Variants in CNOT6L observed in about 807,000 individuals in gnomAD.
CNOT6L encodes the protein CCR4-NOT transcription complex subunit 6-like.
Under a neutral mutation model 64.0 loss-of-function variants are expected in CNOT6L, and 7 were observed. That is an observed-to-expected ratio of 0.11 (90% CI 0.06 to 0.21). The LOEUF (loss-of-function observed/expected upper bound fraction) is 0.21. CNOT6L is among the 10% of genes least tolerant of loss of function. CNOT6L has a pLI of 1.00. For missense variants in CNOT6L, 245 were observed against 669.0 expected (o/e 0.37, Z 6.99); for synonymous variants, 193 against 243.4 (o/e 0.79, Z 1.93).
rs1243670491 is a variant in CNOT6L, at chr4:77,717,351, G to C, written c.*3080C>G. The stretch of plus-strand genomic sequence containing the variant: ...ATGCACTTGTATGACTGTAATAATG[G>C]CAAACAGTACAGTTTTCTCTTCCTC... On this transcript the variant is annotated 3_prime_UTR_variant, in exon 12 of 12. Coordinates refer to ENST00000504123, the MANE Select transcript of CNOT6L (RefSeq NM_144571.3). The C allele has an allele frequency of 6.6e-6, 1 of 152,368 alleles. No individual in the cohort carries two copies. The highest frequency in any genetic ancestry group is 1.9e-4 in the East Asian group (1 of 5,188). The allele number at this position is 152,368 out of a possible 1,614,324, so 9.4% of individuals were successfully genotyped here. A position where few individuals can be genotyped will look rare whatever the true frequency, so the allele number is the denominator to read the frequency against.
chr4:77,803,040 AC>A (rs1469483324), intron 1 of CNOT6L, among the ~76,000 whole-genome samples: 1 of 152,188 alleles, frequency 6.6e-6, no homozygotes, highest in African/African-American at 2.4e-5. Context: ...AAGTCAAAAA[AC>A]AAACAAGAAA....
At chr4:77,721,443 A>G (rs1419679741) in intron 11 of CNOT6L, among the ~76,000 whole-genome samples, 1 of 152,192 alleles carries the variant, frequency 6.6e-6, no homozygotes, top group Non-Finnish European at 1.5e-5. Context: ...ATTCATATCA[A>G]GATAGCCTGA....
At chr4:77,819,074 A>ACACACACACACACACACACACAC in intron 1 of CNOT6L, 1 of 720,280 alleles carries the variant, frequency 1.4e-6, no homozygotes, top group Admixed American at 2.1e-5. Flanking sequence ...ACACACACAC[A>ACACACACACACACACACACACAC]CCCCGGAACC....
At chr4:77,800,728 T>C (rs1731437553) in intron 1 of CNOT6L, among the ~76,000 whole-genome samples, 1 of 152,168 alleles carries the variant, frequency 6.6e-6, no homozygotes, top group Non-Finnish European at 1.5e-5. Context: ...ATATCTGAAA[T>C]CTACAAGTCT....
intron 1 of CNOT6L, among the ~76,000 whole-genome samples, chr4:77,777,433 C>T (rs1728275266): frequency 6.6e-6 from 1 of 152,172 alleles, no homozygotes; most frequent in Non-Finnish European, 1.5e-5. Context: ...CAATGATGAC[C>T]AGCTAGACAT....
chr4:77,782,934 T>C (rs895583283), intron 1 of CNOT6L, among the ~76,000 whole-genome samples: 1 of 152,062 alleles, frequency 6.6e-6, no homozygotes, highest in Admixed American at 6.6e-5. Context: ...AAATTAAAGA[T>C]TGATGGCAAT....
At chr4:77,748,486 G>A (rs1407793479) in intron 5 of CNOT6L, 102 bp from the exon 6 acceptor site, 39 of 779,642 alleles carry the variant, frequency 5.0e-5, no homozygotes, top group Non-Finnish European at 6.8e-5. Context: ...CTGCTGTAAC[G>A]GCCTGCAAAC....
At chr4:77,780,413 G>C (rs1355090195) in intron 1 of CNOT6L, among the ~76,000 whole-genome samples, 1 of 152,034 alleles carries the variant, frequency 6.6e-6, no homozygotes, top group Non-Finnish European at 1.5e-5. Context: ...ATTTATACTG[G>C]GAATCCTGAT....
chr4:77,750,279 G>T (rs1163452675), intron 5 of CNOT6L, among the ~76,000 whole-genome samples: 1 of 152,082 alleles, frequency 6.6e-6, no homozygotes, highest in African/African-American at 2.4e-5. Context: ...ATGATTAAAA[G>T]AAATTTTAAT....
chr4:77,735,169 A>G (rs1018170682), intron 8 of CNOT6L, among the ~76,000 whole-genome samples: 30 of 152,158 alleles, frequency 2.0e-4, no homozygotes, highest in Non-Finnish European at 3.4e-4. Context: ...CACAGGCCAT[A>G]TAAGCTCTAA....
At position 77,819,076 on chromosome 4, in the gene CNOT6L, C is replaced by CACACACACACA. The variant is rs1560445998; in HGVS notation, c.5+227_5+228insTGTGTGTGTGT. On this transcript the variant is annotated intron_variant, in intron 1 of 11. Coordinates refer to ENST00000504123, the MANE Select transcript of CNOT6L (RefSeq NM_144571.3). ...CACACACACACACACACACACACAC[C>CACACACACACA]CCGGAACCTTCGCCCGCCTCTGAAG... The CACACACACACA allele has an allele frequency of 2.5e-5, 7 of 282,488 alleles. No homozygotes were observed. In the East Asian group the frequency reaches 3.0e-4, roughly 12 times the overall value. 17.5% of individuals were successfully genotyped at this position (282,488 alleles called of 1,614,324 possible). A position where few individuals can be genotyped will look rare whatever the true frequency, so the allele number is the denominator to read the frequency against.
rs36183684 is a variant in CNOT6L at position 77,813,194 on chromosome 4, C to CAA, written c.5+6108_5+6109dup. Among the ~76,000 whole-genome samples, 826 of 152,106 alleles carry CAA rather than the reference C, an allele frequency of 5.4e-3. 18 individuals carry two copies. The highest frequency in any genetic ancestry group is 0.04 in the Admixed American group (617 of 15,272). On this transcript the variant is annotated intron_variant, in intron 1 of 11. Coordinates refer to ENST00000504123, the MANE Select transcript of CNOT6L (RefSeq NM_144571.3). Reference sequence around the variant, plus strand: ...AACAGACCATGTACAGAAATTAATTCAAAATGGATCAAAGATCTAAATGTA... The same window carrying CAA: ...AACAGACCATGTACAGAAATTAATTCAAAAAATGGATCAAAGATCTAAATGTA...
intron 9 of CNOT6L, among the ~76,000 whole-genome samples, chr4:77,729,640 C>G (rs974236431): frequency 6.6e-6 from 1 of 151,978 alleles, no homozygotes; most frequent in Non-Finnish European, 1.5e-5. Context: ...AGTCTGGACA[C>G]GTGGGTTTTA....
intron 4 of CNOT6L, among the ~76,000 whole-genome samples, chr4:77,770,676 A>G (rs2110049374): frequency 6.6e-6 from 1 of 152,380 alleles, no homozygotes; most frequent in East Asian, 1.9e-4. Flanking sequence ...GCTAAGTTAC[A>G]GTTCGTGAAG....
intron 6 of CNOT6L, among the ~76,000 whole-genome samples, chr4:77,745,130 A>C (rs1358547268): frequency 6.6e-6 from 1 of 152,234 alleles, no homozygotes; most frequent in Non-Finnish European, 1.5e-5. Context: ...ATTTTAATAA[A>C]AAATTTAAAT....
intron 6 of CNOT6L, among the ~76,000 whole-genome samples, chr4:77,746,171 G>A (rs951700552): frequency 2.6e-5 from 4 of 152,142 alleles, no homozygotes; most frequent in Non-Finnish European, 5.9e-5. Flanking sequence ...CTAAGACTTT[G>A]TAAACTGAGA....
chr4:77,758,420 T>C (rs192726687), intron 4 of CNOT6L, among the ~76,000 whole-genome samples: 1 of 152,192 alleles, frequency 6.6e-6, no homozygotes, highest in African/African-American at 2.4e-5. Context: ...ATGGAAAACA[T>C]AAGACAGTAA....
chr4:77,776,657 T>TTTGCAATG (rs1353500469), intron 1 of CNOT6L, among the ~76,000 whole-genome samples: 1 of 152,240 alleles, frequency 6.6e-6, no homozygotes, highest in Non-Finnish European at 1.5e-5. Flanking sequence ...GGTTGCTTCC[T>TTTGCAATG]AACTCCTTCC....
In CNOT6L at chr4:77,755,310, G is replaced by A. The variant is rs189246885; in HGVS notation, c.490+1552C>T. ...GGCTGGAGTGCAGTGGCGCAATCTC[G>A]GGTTCAAGCGATTCTCCTGCCTCAA... On this transcript the variant is annotated intron_variant, in intron 5 of 11. Transcript: ENST00000504123. Among the ~76,000 whole-genome samples, 543 of 138,106 alleles carry A rather than the reference G, an allele frequency of 3.9e-3. 4 individuals carry two copies. Among genetic ancestry groups the A allele is most frequent in the African/African-American group, 0.014 (516 of 37,080 alleles). The allele number at this position is 138,106 out of a possible 152,430, so 90.6% of individuals were successfully genotyped here. A position where few individuals can be genotyped will look rare whatever the true frequency, so the allele number is the denominator to read the frequency against.
Sources: gnomAD v4.1 joint callset for allele counts (sites outside exome capture counted in the v4.1 genomes callset) on GRCh38, gnomAD v4.1.1 for gene constraint, MANE v1.5 for transcripts, NCBI Gene and HGNC (gene_info 2026-07-23, HGNC 2026-07-21) for gene names.